The following ANKFY1 variants were observed in gnomAD, a reference collection of about 807,000 sequenced individuals.
ANKFY1 encodes ankyrin repeat and FYVE domain containing 1.
Under a neutral mutation model 128.3 loss-of-function variants are expected in ANKFY1, and 47 were observed. The ratio of observed to expected loss-of-function variants is 0.37; its 90% CI spans 0.29 to 0.47. The LOEUF is 0.47. Ranked by LOEUF, ANKFY1 falls within the 20% of genes least tolerant of loss-of-function variation. The pLI, the probability that ANKFY1 is intolerant of heterozygous loss-of-function variation, is 1.00. For missense variants in ANKFY1, 1,222 were observed against 1,510.6 expected (o/e 0.81, Z 3.17); for synonymous variants, 553 against 601.6 (o/e 0.92, Z 1.18).
intron 4 of ANKFY1, 145 bp from the exon 5 acceptor site, chr17:4,210,092 TAC>T (rs2060098756): frequency 1.7e-6 from 1 of 596,356 alleles, no homozygotes; most frequent in Non-Finnish European, 2.7e-6. Context: ...ATGAATAAAT[TAC>T]AGTTGGTCTC....
intron 11 of ANKFY1, chr17:4,186,562 T>C (rs1488635835): frequency 6.6e-6 from 1 of 152,422 alleles, no homozygotes; most frequent in African/African-American, 2.4e-5. Flanking sequence ...TGTGGGACTT[T>C]CCACTGTGGC....
chr17:4,257,032 G>C (rs1480656853), intron 1 of ANKFY1, among the ~76,000 whole-genome samples: 1 of 152,174 alleles, frequency 6.6e-6, no homozygotes, highest in African/African-American at 2.4e-5. Context: ...ACTGGGCAAA[G>C]CAAATATGTC....
Position 4,169,346 on chromosome 17 carries a change from C to G in ANKFY1, c.3287-58G>C. 1 of 1,363,590 alleles carries G rather than the reference C, an allele frequency of 7.3e-7. No individual in the cohort carries two copies. The highest frequency in any genetic ancestry group is 1.0e-6 in the Non-Finnish European group (1 of 981,190). The allele number at this position is 1,363,590 out of a possible 1,614,324, so 84.5% of individuals were successfully genotyped here. ...AACCGCGACGGCGCCACGCAAGCCC[C>G]AGGGCTTGGAGGCAGCAGGAACACA... On this transcript the variant is annotated intron_variant, in intron 23 of 24. Transcript: ENST00000341657. This position sits in a 1 kb window ranked among gnomAD's most constrained non-coding sequence, Gnocchi z 5.0.
At chr17:4,197,642 A>G (rs920789184) in intron 7 of ANKFY1, 65 bp from the exon 8 acceptor site, 1 of 1,476,224 alleles carries the variant, frequency 6.8e-7, no homozygotes, top group African/African-American at 1.4e-5. Flanking sequence ...CTTCTTCAAG[A>G]GGGAGCAGAA....
intron 18 of ANKFY1, among the ~76,000 whole-genome samples, chr17:4,177,713 C>T (rs1283843976): frequency 6.6e-6 from 1 of 152,262 alleles, no homozygotes. Flanking sequence ...ACCCAGCATC[C>T]TGATGCCCCA....
At chr17:4,252,292 C>T (rs1460534999) in intron 1 of ANKFY1, among the ~76,000 whole-genome samples, 1 of 152,166 alleles carries the variant, frequency 6.6e-6, no homozygotes, top group Non-Finnish European at 1.5e-5. Flanking sequence ...CTAGGCCAAG[C>T]GCAGTGGTTC....
chr17:4,174,189 A>G (rs1194660648), intron 19 of ANKFY1, 133 bp from the exon 20 acceptor site: 4 of 1,085,346 alleles, frequency 3.7e-6, no homozygotes, highest in Non-Finnish European at 5.2e-6. Flanking sequence ...CTGGGAGCAT[A>G]GGAGCTTCAC....
intron 10 of ANKFY1, among the ~76,000 whole-genome samples, chr17:4,192,290 G>T (rs570044654): frequency 5.8e-5 from 8 of 137,276 alleles, no homozygotes; most frequent in South Asian, 2.5e-4. Flanking sequence ...ATCTGGAGAC[G>T]CCTAGTTGAT....
intron 1 of ANKFY1, among the ~76,000 whole-genome samples, chr17:4,257,876 A>G (rs191012283): frequency 3.3e-4 from 50 of 152,330 alleles, no homozygotes; most frequent in Non-Finnish European, 5.7e-4. Context: ...CACAGGTTCA[A>G]CAGGAGATTC....
intron 7 of ANKFY1, 24 bp downstream of exon 7, chr17:4,206,297 G>A: frequency 6.3e-7 from 1 of 1,592,956 alleles, no homozygotes; most frequent in Non-Finnish European, 8.6e-7. Context: ...TTGCCTGCAG[G>A]GAAACATACA....
chr17:4,240,584 G>A (rs975296572), intron 2 of ANKFY1, among the ~76,000 whole-genome samples: 8 of 151,898 alleles, frequency 5.3e-5, no homozygotes, highest in Non-Finnish European at 1.2e-4. Context: ...TAGAGACAGG[G>A]TGCCACCTTG....
chr17:4,207,890 T>C lies in ANKFY1; in HGVS notation c.732+43A>G, dbSNP rs536694180. ...GTACCACGGAGAAAGACAAGTGCAT[T>C]AGAGTTTCGGGAAATGAAGAATGGA... On this transcript the variant is annotated intron_variant, in intron 6 of 24. Coordinates refer to ENST00000341657, the MANE Select transcript of ANKFY1 (RefSeq NM_001330063.2). The C allele has an allele frequency of 5.8e-5, 89 of 1,531,222 alleles. 1 individual carries two copies. In the South Asian group the frequency reaches 1.1e-3, roughly 19 times the overall value. 94.9% of individuals were successfully genotyped at this position (1,531,222 alleles called of 1,614,324 possible). A position where few individuals can be genotyped will look rare whatever the true frequency, so the allele number is the denominator to read the frequency against.
At chr17:4,225,023 C>T (rs556580576) in intron 3 of ANKFY1, among the ~76,000 whole-genome samples, 1 of 141,446 alleles carries the variant, frequency 7.1e-6, no homozygotes, top group South Asian at 2.5e-4. Context: ...TTTTTTTAAA[C>T]ACTTGAAAAA....
intron 1 of ANKFY1, 32 bp from the exon 2 acceptor site, chr17:4,242,480 T>C: frequency 6.7e-7 from 1 of 1,499,058 alleles, no homozygotes; most frequent in Non-Finnish European, 8.9e-7. Context: ...AAGTTCACCG[T>C]GGCTGCTGGA....
At chr17:4,211,961 GGCAGGCAAA>G (rs1434274443) in intron 4 of ANKFY1, among the ~76,000 whole-genome samples, 29 of 152,234 alleles carry the variant, frequency 1.9e-4, no homozygotes, top group African/African-American at 7.0e-4. Context: ...GAGAGCTGAA[GGCAGGCAAA>G]TAGGTCTCTG....
At chr17:4,190,116 G>A (rs973116802) in intron 10 of ANKFY1, among the ~76,000 whole-genome samples, 1 of 152,162 alleles carries the variant, frequency 6.6e-6, no homozygotes, top group Non-Finnish European at 1.5e-5. Flanking sequence ...ATGTTCGGCA[G>A]CATCCTCTGA....
chr17:4,226,580 G>T (rs1043314675), intron 3 of ANKFY1, among the ~76,000 whole-genome samples: 16 of 151,802 alleles, frequency 1.1e-4, no homozygotes, highest in Non-Finnish European at 2.4e-4. Context: ...AAAAAGGACA[G>T]AAATCAATAA....
At position 4,182,231 on chromosome 17, in the gene ANKFY1, G is replaced by A; in HGVS notation, c.2071C>T (p.Pro691Ser). ...TTGTTTGCCAATGCAAGCCACAGCG[G>A]GGGGTTCCCCTTCTCATCTGGCACA... ...MSVPDEKGNP[P>S]LWLALANNLE... Residue 691 changes from proline to serine, a missense_variant, in exon 15 of 25, where the codon CCG becomes TCG. Pro to Ser is a moderately conservative substitution (Grantham distance 74). Coordinates refer to ENST00000341657, the MANE Select transcript of ANKFY1 (RefSeq NM_001330063.2). 6.3e-7 allele frequency: 1 copy of A among 1,583,110 alleles called. No individual in the cohort carries two copies. Among genetic ancestry groups the A allele is most frequent in the South Asian group, 1.2e-5 (1 of 84,060 alleles).
chr17:4,193,727 G>A (rs1185564777), intron 10 of ANKFY1, among the ~76,000 whole-genome samples: 1 of 150,530 alleles, frequency 6.6e-6, no homozygotes, highest in Non-Finnish European at 1.5e-5. Context: ...GCGCCTGGCT[G>A]ACCTTTAATT....
Sources: allele counts gnomAD v4.1 joint callset (sites outside exome capture counted in the v4.1 genomes callset), GRCh38; gene constraint gnomAD v4.1.1; non-coding constraint Gnocchi (gnomAD v3.1); transcripts MANE v1.5; gene names NCBI Gene and HGNC (gene_info 2026-07-23, HGNC 2026-07-21).